Variants in SEMA4B observed in about 807,000 individuals in gnomAD.
SEMA4B encodes the protein semaphorin-4B.
SEMA4B carries 55 observed loss-of-function variants against 88.1 expected under a neutral mutation model. That is an observed-to-expected ratio of 0.62 (90% CI 0.50 to 0.78). The LOEUF is 0.78. SEMA4B is among the 30% of genes least tolerant of loss of function. The probability of loss-of-function intolerance (pLI) is 0.00; values close to 1 mark genes in which losing one functional copy is unlikely to be tolerated. For missense variants in SEMA4B, 1,062 were observed against 1,111.9 expected, an observed-to-expected ratio of 0.96 and a Z score of 0.64; for synonymous variants, 525 against 473.6, an observed-to-expected ratio of 1.11 and a Z score of -1.41.
intron 1 of SEMA4B, among the ~76,000 whole-genome samples, chr15:90,194,763 A>G (rs988102341): frequency 6.6e-6 from 1 of 152,202 alleles, no homozygotes; most frequent in Non-Finnish European, 1.5e-5. Context: ...AAAACACCCA[A>G]TAACTCTTCA....
chr15:90,217,756 T>A lies in SEMA4B; in HGVS notation c.322-11T>A. The A allele has an allele frequency of 1.2e-6, 2 of 1,613,276 alleles. No individual in the cohort carries two copies. The highest frequency in any genetic ancestry group is 1.7e-6 in the Non-Finnish European group (2 of 1,179,496). The stretch of plus-strand genomic sequence containing the variant: ...ATTTTGTCCACTACCTTCCCCTTTC[T>A]CATTCCCCAGCTGCTTTGGGGTGCA... On this transcript the variant is annotated splice_polypyrimidine_tract_variant and intron_variant, in intron 2 of 13. Coordinates refer to ENST00000411539, the MANE Select transcript of SEMA4B (RefSeq NM_198925.4).
Position 90,201,700 on chromosome 15 carries a change from C to G in SEMA4B, c.122C>G (p.Thr41Ser). ...CTCCTGCTGCAGCCGCCGCCTCCGA[C>G]CTGGGCGCTCAGCCCCCGGATCAGC... ...LLLLLQPPPP[T>S]WALSPRISLP... Residue 41 changes from threonine (T) to serine (S), a missense_variant, in exon 1 of 14, where the codon ACC becomes AGC. Thr to Ser is a moderately conservative substitution (Grantham distance 58). Transcript: ENST00000411539. 1.3e-6 allele frequency: 2 copies of G among 1,501,772 alleles called. No homozygotes were observed. Among genetic ancestry groups the G allele is most frequent in the Non-Finnish European group, 1.8e-6 (2 of 1,131,364 alleles). 93.0% of individuals were successfully genotyped at this position (1,501,772 alleles called of 1,614,324 possible). A position where few individuals can be genotyped will look rare whatever the true frequency, so the allele number is the denominator to read the frequency against.
rs1436882990 is a variant in SEMA4B, at chr15:90,225,120, G to A, written c.1347G>A (p.Val449=). ...LLQPQARYQR[V]AVHRVPGLHH... ...AGCCCCAGGCTCGCTACCAGCGCGT[G>A]GCTGTACACCGCGTCCCTGGCCTGC... The change falls in exon 10 of 14, where the codon GTG becomes GTA. Residue 449 remains valine (V), a synonymous_variant. Coordinates refer to ENST00000411539, the MANE Select transcript of SEMA4B (RefSeq NM_198925.4). 1 of 1,613,576 alleles carries A rather than the reference G, an allele frequency of 6.2e-7. No homozygotes were observed.
intron 1 of SEMA4B, among the ~76,000 whole-genome samples, chr15:90,202,923 A>T (rs1359928611): frequency 1.3e-5 from 2 of 152,170 alleles, no homozygotes; most frequent in East Asian, 3.8e-4. Context: ...AAGTAACCCT[A>T]CCTGAACCCC....
chr15:90,208,225 G>A (rs1961086097), intron 1 of SEMA4B, among the ~76,000 whole-genome samples: 1 of 150,804 alleles, frequency 6.6e-6, no homozygotes, highest in African/African-American at 2.4e-5. Context: ...TTGCACTCCA[G>A]CCTGGAAGAC....
At chr15:90,206,870 G>A (rs964139437) in intron 1 of SEMA4B, 18 of 714,092 alleles carry the variant, frequency 2.5e-5, no homozygotes, top group African/African-American at 6.9e-5. Flanking sequence ...GGGAAACCCC[G>A]TAAAGTGGTT....
In SEMA4B at chr15:90,220,865, C is replaced by T. The variant is rs1214881664; in HGVS notation, c.484-117C>T. On this transcript the variant is annotated intron_variant, in intron 4 of 13. Transcript: ENST00000411539. ...GTCCCTGACACCTGACCCCTTCTGT[C>T]CCACACACCTCACCTGCCTGCAGAG... 60 of 687,076 alleles carry T rather than the reference C, an allele frequency of 8.7e-5. 1 individual carries two copies. Among genetic ancestry groups the T allele is most frequent in the East Asian group, 5.9e-4 (21 of 35,632 alleles). The allele number at this position is 687,076 out of a possible 1,614,324, so 42.6% of individuals were successfully genotyped here. A position where few individuals can be genotyped will look rare whatever the true frequency, so the allele number is the denominator to read the frequency against.
rs1446865721 is a variant in SEMA4B, at chr15:90,201,474, C to G, written c.-105C>G. ...GCCCCCCAGGTCCGGAGGCGGGGGCCCCCGGGGCGACTCGGGGGCGGACCG... is the reference window on the plus strand; with the variant it reads ...GCCCCCCAGGTCCGGAGGCGGGGGCGCCCGGGGCGACTCGGGGGCGGACCG... On this transcript the variant is annotated 5_prime_UTR_variant, in exon 1 of 14. Coordinates refer to ENST00000411539, the MANE Select transcript of SEMA4B (RefSeq NM_198925.4). The G allele has an allele frequency of 8.6e-5, 112 of 1,309,698 alleles. No homozygotes were observed. The highest frequency in any genetic ancestry group is 1.1e-4 in the Non-Finnish European group (112 of 1,032,904). The allele number at this position is 1,309,698 out of a possible 1,614,324, so 81.1% of individuals were successfully genotyped here.
At chr15:90,199,520 C>T (rs897470110), upstream of SEMA4B, among the ~76,000 whole-genome samples, 1 of 152,022 alleles carries the variant, frequency 6.6e-6, no homozygotes, top group African/African-American at 2.4e-5. Flanking sequence ...GGTTTTCAGA[C>T]AGCCAAGTAG....
At chr15:90,192,857 G>A (rs946843303) in intron 1 of SEMA4B, among the ~76,000 whole-genome samples, 3 of 152,178 alleles carry the variant, frequency 2.0e-5, no homozygotes, top group African/African-American at 7.2e-5. Context: ...CCAAAGTGCT[G>A]GGGTTACAGG....
At chr15:90,224,905 G>A (rs1037507267) in intron 9 of SEMA4B, 63 bp from the exon 10 acceptor site, 50 of 1,398,030 alleles carry the variant, frequency 3.6e-5, no homozygotes, top group Non-Finnish European at 4.7e-5. Context: ...GGGGAAGCAG[G>A]GCCCGCATCC....
intron 1 of SEMA4B, among the ~76,000 whole-genome samples, chr15:90,194,836 A>G (rs1212423954): frequency 6.6e-6 from 1 of 152,228 alleles, no homozygotes; most frequent in Non-Finnish European, 1.5e-5. Flanking sequence ...ATGCACATAC[A>G]TATATATGCA....
intron 1 of SEMA4B, among the ~76,000 whole-genome samples, chr15:90,191,209 G>A (rs982455042): frequency 1.3e-5 from 2 of 152,206 alleles, no homozygotes; most frequent in Non-Finnish European, 2.9e-5. Context: ...CCCAGTGGGG[G>A]TGGTGCTGGG....
chr15:90,223,046 A>G (rs562414715), intron 7 of SEMA4B, among the ~76,000 whole-genome samples: 7 of 150,216 alleles, frequency 4.7e-5, no homozygotes, highest in African/African-American at 1.5e-4. Context: ...TTTCACTGCA[A>G]CCTCCGCTGC....
chr15:90,214,918 C>G (rs1961458110), intron 1 of SEMA4B: 1 of 1,187,344 alleles, frequency 8.4e-7, no homozygotes, highest in Non-Finnish European at 1.1e-6. Context: ...TCATGTCTCC[C>G]CACCCTTTAT....
intron 1 of SEMA4B, among the ~76,000 whole-genome samples, chr15:90,191,492 TTA>T (rs1298733455): frequency 6.6e-6 from 1 of 152,202 alleles, no homozygotes; most frequent in Non-Finnish European, 1.5e-5. Context: ...GCCCGTGGCT[TTA>T]TATGTACTCT....
At position 90,229,313 on chromosome 15, in the gene SEMA4B, G is replaced by A. The variant is rs377221346; in HGVS notation, c.*670G>A. 10 of 456,768 alleles carry A rather than the reference G, an allele frequency of 2.2e-5. No homozygotes were observed. The highest frequency in any genetic ancestry group is 9.4e-5 in the Admixed American group (4 of 42,558). 28.3% of individuals were successfully genotyped at this position (456,768 alleles called of 1,614,324 possible). A position where few individuals can be genotyped will look rare whatever the true frequency, so the allele number is the denominator to read the frequency against. On this transcript the variant is annotated 3_prime_UTR_variant, in exon 14 of 14. Coordinates refer to ENST00000411539, the MANE Select transcript of SEMA4B (RefSeq NM_198925.4). ...AGCCTGTATCAGGCTGTGGCCACACGAGAGGACAGCGCGAGCTCAGGAGAG... is the reference window on the plus strand; with the variant it reads ...AGCCTGTATCAGGCTGTGGCCACACAAGAGGACAGCGCGAGCTCAGGAGAG...
At chr15:90,192,886 G>T (rs1302624347) in intron 1 of SEMA4B, among the ~76,000 whole-genome samples, 1 of 152,140 alleles carries the variant, frequency 6.6e-6, no homozygotes, top group African/African-American at 2.4e-5. Context: ...ACTGCGCCTG[G>T]CCTCGTTTCG....
At chr15:90,201,302 A>T, upstream of SEMA4B, 1 of 1,122,542 alleles carries the variant, frequency 8.9e-7, no homozygotes, top group Non-Finnish European at 1.1e-6. Flanking sequence ...CTCACGGCCG[A>T]CTTCCTCCTT....
Sources: gnomAD v4.1 joint callset for allele counts (sites outside exome capture counted in the v4.1 genomes callset) on GRCh38, gnomAD v4.1.1 for gene constraint, MANE v1.5 for transcripts, NCBI Gene and HGNC (gene_info 2026-07-23, HGNC 2026-07-21) for gene names.